SOX6: variants seen among roughly 807,000 people sequenced by gnomAD.
The protein encoded by SOX6 is transcription factor SOX-6.
SOX6 carries 11 observed loss-of-function variants against 97.8 expected under a neutral mutation model. The observed-to-expected ratio is 0.11, with a 90% CI of 0.07 to 0.19. SOX6 has a LOEUF of 0.19. Ranked by LOEUF, SOX6 falls within the 10% of genes least tolerant of loss-of-function variation. The probability of loss-of-function intolerance (pLI) is 1.00; values close to 1 mark genes in which losing one functional copy is unlikely to be tolerated. For synonymous variants in SOX6, 360 were observed against 371.4 expected (o/e 0.97, Z 0.35); for missense variants, 810 against 1,039.5 (o/e 0.78, Z 3.04).
At position 16,261,328 on chromosome 11, in the gene SOX6, G is replaced by T. The variant is rs776510984; in HGVS notation, c.446-26657C>A. 3.4e-4 allele frequency among the ~76,000 whole-genome samples: 51 copies of T among 152,116 alleles called. 1 individual carries two copies. The highest frequency in any genetic ancestry group is 2.6e-4 in the Admixed American group (4 of 15,252). On this transcript the variant is annotated intron_variant, in intron 3 of 15. Coordinates refer to ENST00000683767, the MANE Select transcript of SOX6 (RefSeq NM_001367873.1). ...TGCAGTAAATCTTACTGGATCCTTA[G>T]AACAATCAAATAATATTTTGTGCAC... is the stretch of plus-strand genomic sequence containing the variant.
At chr11:16,347,524 C>A (rs1351671101) in intron 1 of SOX6, among the ~76,000 whole-genome samples, 1 of 152,034 alleles carries the variant, frequency 6.6e-6, no homozygotes, top group Admixed American at 6.6e-5. Context: ...AGAAAGCTGT[C>A]TAAAATAATA....
At chr11:16,650,589 A>T (rs1322145201) in intron 3 of SOX6, among the ~76,000 whole-genome samples, 2 of 152,108 alleles carry the variant, frequency 1.3e-5, no homozygotes, top group African/African-American at 4.8e-5. Flanking sequence ...GGTAATAGTG[A>T]CATAACATAA....
At chr11:16,502,625 G>C (rs143822271) in intron 4 of SOX6, among the ~76,000 whole-genome samples, 1 of 152,122 alleles carries the variant, frequency 6.6e-6, no homozygotes, top group Non-Finnish European at 1.5e-5. Flanking sequence ...ACAAATTTCA[G>C]AACTTGAAGG....
At chr11:16,542,569 A>C (rs905947181) in intron 4 of SOX6, among the ~76,000 whole-genome samples, 1 of 152,044 alleles carries the variant, frequency 6.6e-6, no homozygotes, top group Admixed American at 6.6e-5. Context: ...CACACAAAAA[A>C]ATTCCCACAA....
chr11:16,091,907 G>A (rs1848699055), intron 9 of SOX6, among the ~76,000 whole-genome samples: 1 of 151,974 alleles, frequency 6.6e-6, no homozygotes, highest in Admixed American at 6.6e-5. Context: ...TCCAACTAAA[G>A]CTTAGTGAAC....
rs182363778 is a variant in SOX6, at chr11:16,019,480, T to C, written c.1624-4430A>G. Among the ~76,000 whole-genome samples the C allele has an allele frequency of 2.2e-4, 33 of 152,226 alleles. No homozygotes were observed. The East Asian group carries it at 6.2e-3, about 29-fold the overall frequency. ...ATACAGGTAAAAAATGATTATCTCA[T>C]GTTATTTTTATGTGTAAAATGCATT... On this transcript the variant is annotated intron_variant, in intron 12 of 15. Coordinates refer to ENST00000683767, the MANE Select transcript of SOX6 (RefSeq NM_001367873.1).
intron 4 of SOX6, among the ~76,000 whole-genome samples, chr11:16,553,687 T>C (rs1847716323): frequency 6.6e-6 from 1 of 152,046 alleles, no homozygotes; most frequent in African/African-American, 2.4e-5. Flanking sequence ...GAGGCATTGA[T>C]ACTAGGACCA....
chr11:16,245,983 C>T (rs1853323959), intron 3 of SOX6, among the ~76,000 whole-genome samples: 1 of 151,126 alleles, frequency 6.6e-6, no homozygotes, highest in South Asian at 2.1e-4. Context: ...GTCCTTTGTT[C>T]CTTTGTTCCT....
At chr11:16,471,014 C>A (rs1397220380) in intron 1 of SOX6, among the ~76,000 whole-genome samples, 1 of 151,330 alleles carries the variant, frequency 6.6e-6, no homozygotes, top group Non-Finnish European at 1.5e-5. Context: ...TAAAGGAATT[C>A]ATTATCAAAT....
intron 3 of SOX6, among the ~76,000 whole-genome samples, chr11:16,639,332 T>G (rs1848852163): frequency 6.6e-6 from 1 of 152,228 alleles, no homozygotes. Context: ...GTAGTATAGT[T>G]TGAAGTCAGG....
intron 7 of SOX6, among the ~76,000 whole-genome samples, chr11:16,102,230 C>A (rs1478319146): frequency 2.6e-5 from 4 of 151,966 alleles, no homozygotes; most frequent in African/African-American, 9.6e-5. Context: ...CTGCTATACA[C>A]CAACAGTGAC....
At chr11:16,055,708 AC>A in intron 10 of SOX6, 43 bp downstream of exon 10, 1 of 1,612,892 alleles carries the variant, frequency 6.2e-7, no homozygotes, top group Non-Finnish European at 8.5e-7. Context: ...TTCTTGTGAA[AC>A]TTTTTTCTAA....
intron 4 of SOX6, among the ~76,000 whole-genome samples, chr11:16,544,935 T>A (rs547438839): frequency 6.6e-6 from 1 of 152,014 alleles, no homozygotes; most frequent in Non-Finnish European, 1.5e-5. Flanking sequence ...TTAAAACTTA[T>A]AGAGAGGGCC....
chr11:16,005,526 G>C (rs1417514351), intron 13 of SOX6, among the ~76,000 whole-genome samples: 1 of 151,944 alleles, frequency 6.6e-6, no homozygotes, highest in Non-Finnish European at 1.5e-5. Context: ...GAAGTTTCAG[G>C]GACATTTGAC....
At chr11:16,611,881 G>A (rs574979871) in intron 4 of SOX6, among the ~76,000 whole-genome samples, 14 of 152,316 alleles carry the variant, frequency 9.2e-5, no homozygotes, top group African/African-American at 3.1e-4. Flanking sequence ...CACAAAGGAG[G>A]TGGGGAAAAG....
intron 3 of SOX6, among the ~76,000 whole-genome samples, chr11:16,686,236 T>G (rs1395879990): frequency 6.6e-6 from 1 of 152,264 alleles, no homozygotes. Flanking sequence ...AGCAAGTGGT[T>G]GAATTCCTCT....
intron 1 of SOX6, among the ~76,000 whole-genome samples, chr11:16,347,285 C>A (rs1590145385): frequency 6.6e-6 from 1 of 152,092 alleles, no homozygotes; most frequent in Non-Finnish European, 1.5e-5. Context: ...TCTATCTATA[C>A]TTTTTGCTTG....
At chr11:16,681,328 T>A (rs190021173) in intron 3 of SOX6, among the ~76,000 whole-genome samples, 45 of 152,262 alleles carry the variant, frequency 3.0e-4, no homozygotes, top group Non-Finnish European at 5.6e-4. Context: ...CACAACTACA[T>A]GGAAACTGAA....
At chr11:16,287,692 A>G (rs1854793893) in intron 3 of SOX6, among the ~76,000 whole-genome samples, 1 of 152,110 alleles carries the variant, frequency 6.6e-6, no homozygotes. Context: ...GAAATAAGGC[A>G]TGCAAAAGCC....
Sources: allele counts gnomAD v4.1 joint callset (sites outside exome capture counted in the v4.1 genomes callset), GRCh38; gene constraint gnomAD v4.1.1; transcripts MANE v1.5; gene names NCBI Gene and HGNC (gene_info 2026-07-23, HGNC 2026-07-21).